Variants in CNTN6 observed in about 807,000 individuals in gnomAD.
CNTN6 encodes contactin 6, also known as contactin-6.
In CNTN6, 137 loss-of-function variants were observed where a neutral mutation model predicts 122.8. The ratio of observed to expected loss-of-function variants is 1.12; its 90% CI spans 0.97 to 1.29. CNTN6 has a LOEUF of 1.29. CNTN6 is among the 50% of genes most tolerant of loss of function. The pLI is 0.00. For synonymous variants in CNTN6, 570 were observed against 426.0 expected (o/e 1.34, Z -4.16); for missense variants, 1,634 against 1,223.4 (o/e 1.34, Z -5.01).
At chr3:1,341,229 C>T (rs1001402375) in intron 11 of CNTN6, among the ~76,000 whole-genome samples, 2 of 151,794 alleles carry the variant, frequency 1.3e-5, no homozygotes, top group Admixed American at 6.6e-5. Context: ...TGCATTCACA[C>T]ATTTTTGTGT....
At chr3:1,262,194 A>C (rs3772330) in intron 4 of CNTN6, among the ~76,000 whole-genome samples, 1 of 152,080 alleles carries the variant, frequency 6.6e-6, no homozygotes, top group Non-Finnish European at 1.5e-5. Flanking sequence ...CCGAAGTAAG[A>C]GTCACAAGAG....
At chr3:1,391,495 A>AAGAC in intron 20 of CNTN6, among the ~76,000 whole-genome samples, 1 of 96,056 alleles carries the variant, frequency 1.0e-5, no homozygotes, top group South Asian at 4.3e-4. Context: ...AAACTGGCAC[A>AAGAC]AGACAGGGAT....
intron 4 of CNTN6, among the ~76,000 whole-genome samples, chr3:1,252,222 T>C (rs2094683447): frequency 1.3e-5 from 2 of 152,166 alleles, no homozygotes; most frequent in East Asian, 1.9e-4. Flanking sequence ...TCTGTTGAAA[T>C]TATCTCTTCC....
intron 11 of CNTN6, among the ~76,000 whole-genome samples, chr3:1,333,290 A>C (rs1382891922): frequency 6.6e-6 from 1 of 152,062 alleles, no homozygotes; most frequent in Non-Finnish European, 1.5e-5. Flanking sequence ...GGAGCACTAG[A>C]GATAATGTAT....
At chr3:1,372,250 A>C in intron 12 of CNTN6, 49 bp from the exon 13 acceptor site, 1 of 1,423,162 alleles carries the variant, frequency 7.0e-7, no homozygotes, top group Non-Finnish European at 9.6e-7. Context: ...TTTTATAACC[A>C]TAGGCTAGCA....
Position 1,220,833 on chromosome 3 carries a change from C to T in CNTN6, c.182+20C>T, listed in dbSNP as rs912754702. 15 of 1,580,670 alleles carry T rather than the reference C, an allele frequency of 9.5e-6. No homozygotes were observed. The highest frequency in any genetic ancestry group is 1.3e-5 in the Non-Finnish European group (15 of 1,167,272). On this transcript the variant is annotated intron_variant, in intron 3 of 22. Transcript: ENST00000446702. ...TTATAGGTAAAATCCTACCTGTGGGCACCACACTATTTTGTTCTTCCTCAC... is the reference window on the plus strand; with the variant it reads ...TTATAGGTAAAATCCTACCTGTGGGTACCACACTATTTTGTTCTTCCTCAC...
At chr3:1,152,998 T>G (rs1023846053) in intron 2 of CNTN6, among the ~76,000 whole-genome samples, 3 of 152,242 alleles carry the variant, frequency 2.0e-5, no homozygotes, top group African/African-American at 7.2e-5. Context: ...TGTATTCTCT[T>G]TTAACATTCT....
At chr3:1,308,798 TTTTTG>T (rs1053746038) in intron 7 of CNTN6, among the ~76,000 whole-genome samples, 3 of 152,064 alleles carry the variant, frequency 2.0e-5, no homozygotes, top group African/African-American at 7.2e-5. Context: ...ATTGTGTGTG[TTTTTG>T]TTTTGTTTTG....
chr3:1,330,429 G>T (rs528585755), intron 11 of CNTN6, among the ~76,000 whole-genome samples: 1 of 151,928 alleles, frequency 6.6e-6, no homozygotes, highest in African/African-American at 2.4e-5. Flanking sequence ...ATACAGTTGA[G>T]AAACCCTAGG....
At chr3:1,290,268 A>G (rs1416248837) in intron 5 of CNTN6, among the ~76,000 whole-genome samples, 3 of 152,228 alleles carry the variant, frequency 2.0e-5, no homozygotes, top group Non-Finnish European at 4.4e-5. Flanking sequence ...CTTTACAGTA[A>G]TTTCACATGG....
In CNTN6 at chr3:1,233,464, G is replaced by A. The variant is rs115761189; in HGVS notation, c.358+5471G>A. Among the ~76,000 whole-genome samples, 409 of 152,144 alleles carry A rather than the reference G, an allele frequency of 2.7e-3. 1 individual carries two copies. The highest frequency in any genetic ancestry group is 9.1e-3 in the African/African-American group (377 of 41,526). ...TAAAATGTAGTTTGAAGCCAGGCGCGGTGGCTCACGCCTGTAATCCCAGCA... is the reference window on the plus strand; with the variant it reads ...TAAAATGTAGTTTGAAGCCAGGCGCAGTGGCTCACGCCTGTAATCCCAGCA... On this transcript the variant is annotated intron_variant, in intron 4 of 22. Coordinates refer to ENST00000446702, the MANE Select transcript of CNTN6 (RefSeq NM_001289080.2).
chr3:1,185,788 T>G (rs2093620889), intron 2 of CNTN6, among the ~76,000 whole-genome samples: 1 of 152,176 alleles, frequency 6.6e-6, no homozygotes, highest in African/African-American at 2.4e-5. Context: ...TTTTCCCCTT[T>G]GTAACATTGA....
At chr3:1,300,825 C>G (rs993440432) in intron 7 of CNTN6, among the ~76,000 whole-genome samples, 18 of 151,944 alleles carry the variant, frequency 1.2e-4, no homozygotes, top group Non-Finnish European at 2.5e-4. Flanking sequence ...CTCTTTCTTT[C>G]TCCACACACA....
intron 11 of CNTN6, among the ~76,000 whole-genome samples, chr3:1,346,412 G>A (rs1273397585): frequency 6.6e-6 from 1 of 152,124 alleles, no homozygotes; most frequent in Non-Finnish European, 1.5e-5. Flanking sequence ...TCTGGGTTGA[G>A]TGAGTTCTTG....
intron 7 of CNTN6, among the ~76,000 whole-genome samples, chr3:1,311,922 G>C (rs1482733601): frequency 6.6e-6 from 1 of 151,758 alleles, no homozygotes; most frequent in Non-Finnish European, 1.5e-5. Context: ...TGGACATTTA[G>C]TTTCCATCAA....
At position 1,403,235 on chromosome 3, in the gene CNTN6, T is replaced by G. The variant is rs1695956519; in HGVS notation, c.2987-83T>G. 4.0e-6 allele frequency: 3 copies of G among 748,818 alleles called. No individual in the cohort carries two copies. In the South Asian group the frequency reaches 5.1e-5, roughly 13 times the overall value. 46.4% of individuals were successfully genotyped at this position (748,818 alleles called of 1,614,324 possible). ...TATGTTACTAGAAGAGAAATGATAG[T>G]ATGAAATTGGGGTTTTGAAAAATTA... On this transcript the variant is annotated intron_variant, in intron 22 of 22. Transcript: ENST00000446702.
intron 1 of CNTN6, among the ~76,000 whole-genome samples, chr3:1,121,623 C>A (rs371235894): frequency 1.6e-3 from 237 of 151,922 alleles, no homozygotes; most frequent in African/African-American, 5.4e-3. Flanking sequence ...ATAAGGATAA[C>A]CATACTACAG....
At chr3:1,390,017 C>T (rs1388887797) in intron 20 of CNTN6, among the ~76,000 whole-genome samples, 8 of 151,688 alleles carry the variant, frequency 5.3e-5, no homozygotes, top group Non-Finnish European at 1.2e-4. Flanking sequence ...AGAAAGTCAA[C>T]AAGGATACCC....
chr3:1,341,808 C>G (rs1703933396), intron 11 of CNTN6, among the ~76,000 whole-genome samples: 2 of 152,120 alleles, frequency 1.3e-5, no homozygotes, highest in Non-Finnish European at 2.9e-5. Context: ...CATTTGTTCA[C>G]TCCAGTAATT....
Sources: allele counts gnomAD v4.1 joint callset (sites outside exome capture counted in the v4.1 genomes callset), GRCh38; gene constraint gnomAD v4.1.1; transcripts MANE v1.5; gene names NCBI Gene and HGNC (gene_info 2026-07-23, HGNC 2026-07-21).